KAZN: variants seen among roughly 807,000 people sequenced by gnomAD.
The protein encoded by KAZN is kazrin, periplakin interacting protein, also known as kazrin.
KAZN carries 40 observed loss-of-function variants against 87.4 expected under a neutral mutation model. That is an observed-to-expected ratio of 0.46 (90% CI 0.36 to 0.60). KAZN has a LOEUF of 0.60. Ranked by LOEUF, KAZN falls within the 20% of genes least tolerant of loss-of-function variation. KAZN has a pLI of 0.00. For synonymous variants in KAZN, 466 were observed against 458.3 expected, an observed-to-expected ratio of 1.02 and a Z score of -0.22; for missense variants, 898 against 1,073.9, an observed-to-expected ratio of 0.84 and a Z score of 2.29.
intron 1 of KAZN, among the ~76,000 whole-genome samples, chr1:14,124,662 C>G (rs1644824489): frequency 6.6e-6 from 1 of 151,686 alleles, no homozygotes; most frequent in African/African-American, 2.4e-5. Context: ...CGCCAACGGC[C>G]TCTCTCAGTT....
intron 2 of KAZN, among the ~76,000 whole-genome samples, chr1:14,424,833 T>G (rs1052672112): frequency 2.6e-5 from 4 of 152,198 alleles, no homozygotes; most frequent in Admixed American, 6.5e-5. Flanking sequence ...AAGGGCCAGA[T>G]AGATTCCCAG....
chr1:14,413,593 G>GAAAAAAAAAAAA (rs1169921344), intron 2 of KAZN, among the ~76,000 whole-genome samples: 1 of 66,078 alleles, frequency 1.5e-5, no homozygotes, highest in Non-Finnish European at 2.8e-5. Context: ...CGTCTCAAAA[G>GAAAAAAAAAAAA]AAAAAAAAAA....
intron 1 of KAZN, among the ~76,000 whole-genome samples, chr1:14,846,845 G>T (rs1156826891): frequency 2.6e-5 from 4 of 152,148 alleles, no homozygotes; most frequent in Non-Finnish European, 5.9e-5. Flanking sequence ...AGGTGACTGT[G>T]GTTCAGAGAG....
rs966635819 is a variant in KAZN, at chr1:14,819,677, C to T, written c.227-141007C>T. Among the ~76,000 whole-genome samples, 10 of 149,848 alleles carry T rather than the reference C, an allele frequency of 6.7e-5. No homozygotes were observed. In the East Asian group the frequency reaches 1.6e-3, roughly 24 times the overall value. On this transcript the variant is annotated intron_variant, in intron 1 of 14. Coordinates refer to ENST00000376030, the MANE Select transcript of KAZN (RefSeq NM_201628.3). Reference sequence around the variant, plus strand: ...CTTCAGACTTGCGAGTCCCCACCATCATGTGAGCCAATTCCTTTGAAAAAA... The same window carrying T: ...CTTCAGACTTGCGAGTCCCCACCATTATGTGAGCCAATTCCTTTGAAAAAA...
chr1:15,067,172 C>T (rs1639280060), intron 8 of KAZN: 1 of 985,412 alleles, frequency 1.0e-6, no homozygotes, highest in Non-Finnish European at 1.2e-6. Context: ...GGGGAGGCAC[C>T]CACTTCAAAA....
rs1294297425 is a variant in KAZN at position 15,096,769 on chromosome 1, T to C, written c.1547+1836T>C. 3.3e-5 allele frequency among the ~76,000 whole-genome samples: 5 copies of C among 152,142 alleles called. No homozygotes were observed. Among genetic ancestry groups the C allele is most frequent in the Non-Finnish European group, 7.4e-5 (5 of 68,014 alleles). ...GAGTGATGTCTCTGGTCTCTTCCTG[T>C]AAGGACAATAATCCCATCATGAAGG... On this transcript the variant is annotated intron_variant, in intron 10 of 14. Coordinates refer to ENST00000376030, the MANE Select transcript of KAZN (RefSeq NM_201628.3). This position sits in a 1 kb window ranked among gnomAD's most constrained non-coding sequence, Gnocchi z 4.5.
At chr1:14,083,429 C>T (rs1206237766) in intron 1 of KAZN, among the ~76,000 whole-genome samples, 1 of 152,148 alleles carries the variant, frequency 6.6e-6, no homozygotes, top group Non-Finnish European at 1.5e-5. Flanking sequence ...GTTTAGTAAC[C>T]TCTCTGAAAC....
chr1:14,870,244 C>G (rs1651989154), intron 1 of KAZN, among the ~76,000 whole-genome samples: 1 of 152,226 alleles, frequency 6.6e-6, no homozygotes, highest in African/African-American at 2.4e-5. Flanking sequence ...GGAGTTAAGA[C>G]AGGGTGAAGG....
intron 1 of KAZN, among the ~76,000 whole-genome samples, chr1:14,614,444 G>A (rs942567125): frequency 1.3e-5 from 2 of 152,210 alleles, no homozygotes; most frequent in African/African-American, 2.4e-5. Context: ...CAGGACTTGG[G>A]AGTGAACATT....
At chr1:14,180,749 T>A (rs1233139003) in intron 2 of KAZN, among the ~76,000 whole-genome samples, 2 of 152,208 alleles carry the variant, frequency 1.3e-5, no homozygotes, top group African/African-American at 4.8e-5. Flanking sequence ...TCTGATTAGA[T>A]CTTATTTGGA....
At chr1:14,761,691 C>T (rs1014968366) in intron 1 of KAZN, among the ~76,000 whole-genome samples, 39 of 152,274 alleles carry the variant, frequency 2.6e-4, no homozygotes, top group Non-Finnish European at 5.1e-4. Flanking sequence ...GTCAATTATG[C>T]AGTTAAACGG....
At chr1:14,173,702 A>G (rs1159890860) in intron 1 of KAZN, among the ~76,000 whole-genome samples, 1 of 135,634 alleles carries the variant, frequency 7.4e-6, no homozygotes, top group East Asian at 2.0e-4. Flanking sequence ...TCTCTTTCTC[A>G]ATAGTTCCAT....
At chr1:14,016,815 AAC>A (rs1203241652) in intron 1 of KAZN, among the ~76,000 whole-genome samples, 1 of 152,204 alleles carries the variant, frequency 6.6e-6, no homozygotes, top group African/African-American at 2.4e-5. Flanking sequence ...CCACAAAGAA[AAC>A]AGAGAAGCGG....
chr1:14,851,761 G>T (rs966344991), intron 1 of KAZN, among the ~76,000 whole-genome samples: 1 of 152,184 alleles, frequency 6.6e-6, no homozygotes, highest in Admixed American at 6.5e-5. Context: ...GCAGAACAGC[G>T]CCCAATACAT....
At chr1:14,412,670 A>C (rs1436912962) in intron 2 of KAZN, among the ~76,000 whole-genome samples, 1 of 152,054 alleles carries the variant, frequency 6.6e-6, no homozygotes, top group African/African-American at 2.4e-5. Context: ...TCATTAGTGA[A>C]AAGAATCAAT....
At chr1:14,807,106 C>T (rs951081153) in intron 1 of KAZN, among the ~76,000 whole-genome samples, 1 of 152,126 alleles carries the variant, frequency 6.6e-6, no homozygotes, top group Non-Finnish European at 1.5e-5. Flanking sequence ...GTCCCTATGC[C>T]CTATGGGGCT....
At chr1:14,952,240 C>CTGTGTGTGTGTG (rs56104480) in intron 1 of KAZN, among the ~76,000 whole-genome samples, 3,471 of 143,936 alleles carry the variant, frequency 0.024, 149 homozygotes, top group African/African-American at 0.082. Context: ...TTCTTTCCCA[C>CTGTGTGTGTGTG]TGTGTGTGTG....
chr1:14,186,725 A>T (rs1175567811), intron 2 of KAZN, among the ~76,000 whole-genome samples: 1 of 152,158 alleles, frequency 6.6e-6, no homozygotes, highest in African/African-American at 2.4e-5. Flanking sequence ...AGAGGAGTAG[A>T]TGCTGGCAGA....
intron 2 of KAZN, among the ~76,000 whole-genome samples, chr1:15,027,411 G>A (rs1036502232): frequency 1.3e-5 from 2 of 152,148 alleles, no homozygotes; most frequent in Admixed American, 1.3e-4. Flanking sequence ...AGCTGCCTTG[G>A]CCTAAGAGTT....
Sources: gnomAD v4.1 joint callset for allele counts (sites outside exome capture counted in the v4.1 genomes callset) on GRCh38, gnomAD v4.1.1 for gene constraint, Gnocchi (gnomAD v3.1) non-coding constraint, MANE v1.5 for transcripts, NCBI Gene and HGNC (gene_info 2026-07-23, HGNC 2026-07-21) for gene names.